The following RECQL variants were observed in gnomAD, a reference collection of about 807,000 sequenced individuals.
The protein encoded by RECQL is RecQ like helicase.
Under a neutral mutation model 75.8 loss-of-function variants are expected in RECQL, and 73 were observed. The ratio of observed to expected loss-of-function variants is 0.96; its 90% confidence interval spans 0.80 to 1.17. The LOEUF is 1.17. Ranked by LOEUF, RECQL falls within the 50% of genes most tolerant of loss-of-function variation. The pLI, the probability that RECQL is intolerant of heterozygous loss-of-function variation, is 0.00. For missense variants in RECQL, 699 were observed against 772.1 expected, an observed-to-expected ratio of 0.91 and a Z score of 1.12; for synonymous variants, 248 against 254.4, an observed-to-expected ratio of 0.97 and a Z score of 0.24.
In RECQL at chr12:21,475,479, C is replaced by G. The variant is rs1308305729; in HGVS notation, c.1205G>C (p.Ser402Thr). 3.1e-6 allele frequency: 5 copies of G among 1,608,030 alleles called. No homozygotes were observed. Among genetic ancestry groups the G allele is most frequent in the Non-Finnish European group, 4.3e-6 (5 of 1,175,680 alleles). Residue 402 changes from serine (S) to threonine (T), a missense_variant, in exon 10 of 15, where the codon AGT becomes ACT. Ser to Thr is a moderately conservative substitution (Grantham distance 58, BLOSUM62 1). Around this residue, in one of 2 missense-constraint regions of RECQL, gnomAD observed 669 missense variants for 713.5 expected, o/e 0.94. Coordinates refer to ENST00000444129, the MANE Select transcript of RECQL (RefSeq NM_002907.4). ...TGAGTCCTACATACCTGCACGTCCA[C>G]TCTCTTGGTAATAATTTTCCATGGA... Reference protein sequence around the residue: ...SKSMENYYQESGRAGRDDMKA... With the variant: ...SKSMENYYQETGRAGRDDMKA...
chr12:21,500,058 G>A (rs772205634), intron 1 of RECQL, among the ~76,000 whole-genome samples: 9 of 152,230 alleles, frequency 5.9e-5, no homozygotes, highest in Non-Finnish European at 1.0e-4. Context: ...CTGTAAAACT[G>A]GGAGGATGGC....
chr12:21,473,523 A>C (rs761361397), intron 12 of RECQL, 28 bp downstream of exon 12: 3 of 1,559,036 alleles, frequency 1.9e-6, no homozygotes, highest in Non-Finnish European at 1.8e-6. Flanking sequence ...GTATTAGCCT[A>C]TAAAGGTTTA....
At chr12:21,472,292 T>C (rs1042161118) in intron 12 of RECQL, among the ~76,000 whole-genome samples, 11 of 151,730 alleles carry the variant, frequency 7.2e-5, no homozygotes, top group African/African-American at 2.7e-4. Flanking sequence ...AATCCGAAAA[T>C]TGGGACTCAG....
intron 6 of RECQL, 76 bp from the exon 7 acceptor site, chr12:21,478,045 G>T: frequency 7.2e-7 from 1 of 1,379,854 alleles, no homozygotes; most frequent in Non-Finnish European, 9.8e-7. Flanking sequence ...ACATTATGCA[G>T]ATAATCGATG....
At chr12:21,488,754 G>C (rs1403737082) in intron 4 of RECQL, among the ~76,000 whole-genome samples, 1 of 152,090 alleles carries the variant, frequency 6.6e-6, no homozygotes, top group Admixed American at 6.6e-5. Context: ...GATGTATCTG[G>C]AATTCATCTA....
rs752303863 is a variant in RECQL at position 21,469,586 on chromosome 12, G to GTA, written c.*606_*607dup. 4.6e-5 allele frequency: 7 copies of GTA among 151,436 alleles called. No homozygotes were observed. The highest frequency in any genetic ancestry group is 1.0e-4 in the Non-Finnish European group (7 of 67,906). 9.4% of individuals were successfully genotyped at this position (151,436 alleles called of 1,614,324 possible). A position where few individuals can be genotyped will look rare whatever the true frequency, so the allele number is the denominator to read the frequency against. On this transcript the variant is annotated 3_prime_UTR_variant, in exon 15 of 15. Coordinates refer to ENST00000444129, the MANE Select transcript of RECQL (RefSeq NM_002907.4). ...ATGTCAAAAGAAAAAATATAGCTAA[G>GTA]TATATAAAGGCATAAAAAACTTAAG... is the stretch of plus-strand genomic sequence containing the variant.
In RECQL at chr12:21,475,487, G is replaced by A. The variant is rs745337984; in HGVS notation, c.1197C>T (p.Tyr399=). 2.5e-6 allele frequency: 4 copies of A among 1,609,898 alleles called. No homozygotes were observed. Among genetic ancestry groups the A allele is most frequent in the South Asian group, 2.2e-5 (2 of 90,632 alleles). ...ACATACCTGCACGTCCACTCTCTTGGTAATAATTTTCCATGGATTTACTCA... is the reference window on the plus strand; with the variant it reads ...ACATACCTGCACGTCCACTCTCTTGATAATAATTTTCCATGGATTTACTCA... ...HSMSKSMENY[Y]QESGRAGRDD... Residue 399 remains tyrosine (Y), a synonymous_variant, in exon 10 of 15, where the codon TAC becomes TAT. Transcript: ENST00000444129.
In RECQL at chr12:21,490,239, T is replaced by C; in HGVS notation, c.354A>G (p.Gly118=). Residue 118 remains glycine (G), a synonymous_variant, in exon 4 of 15, where the codon GGA becomes GGG. Transcript: ENST00000444129. The part of the protein sequence containing the change: ...EVFLVMPTGG[G]KSLCYQLPAL... ...CTGGTAACTGGTAACATAAGCTCTT[T>C]CCACCTCCTGTAGGCATAACAAGAA... 6.2e-7 allele frequency: 1 copy of C among 1,613,108 alleles called. No individual in the cohort carries two copies. The highest frequency in any genetic ancestry group is 1.3e-5 in the African/African-American group (1 of 75,022).
intron 4 of RECQL, among the ~76,000 whole-genome samples, chr12:21,489,678 G>T (rs564648613): frequency 9.9e-5 from 15 of 152,218 alleles, no homozygotes; most frequent in Admixed American, 2.6e-4. Flanking sequence ...ACATTTTTGG[G>T]TTTTTTTGCC....
intron 2 of RECQL, among the ~76,000 whole-genome samples, chr12:21,496,975 G>C (rs979822045): frequency 1.3e-5 from 2 of 152,222 alleles, no homozygotes; most frequent in African/African-American, 4.8e-5. Context: ...TTGGCCTATA[G>C]ATGAGTCACA....
At chr12:21,490,495 T>C in intron 3 of RECQL, 117 bp from the exon 4 acceptor site, 1 of 631,188 alleles carries the variant, frequency 1.6e-6, no homozygotes, top group Non-Finnish European at 2.6e-6. Flanking sequence ...ACTTTTATGA[T>C]AATAGTTTTG....
intron 6 of RECQL, among the ~76,000 whole-genome samples, chr12:21,482,212 C>T (rs1298240718): frequency 1.3e-5 from 2 of 149,930 alleles, no homozygotes; most frequent in Admixed American, 6.7e-5. Context: ...AAGGATGAAA[C>T]GGGAGTGGTC....
At chr12:21,480,594 C>T (rs1180202145) in intron 6 of RECQL, among the ~76,000 whole-genome samples, 9 of 152,134 alleles carry the variant, frequency 5.9e-5, no homozygotes, top group African/African-American at 1.7e-4. Context: ...CTGCACACTA[C>T]GCATCAGCTT....
chr12:21,481,727 G>A (rs1943195380), intron 6 of RECQL, among the ~76,000 whole-genome samples: 1 of 152,180 alleles, frequency 6.6e-6, no homozygotes. Flanking sequence ...GTAAGAAAGG[G>A]TAAAGACTGA....
At chr12:21,499,531 G>C in intron 2 of RECQL, 24 bp downstream of exon 2, 1 of 1,560,574 alleles carries the variant, frequency 6.4e-7, no homozygotes, top group Non-Finnish European at 8.7e-7. Context: ...GAAGGAAGAA[G>C]AAAATGTAAT....
chr12:21,470,242 A>G lies in RECQL; in HGVS notation c.1902T>C (p.Ser634=), dbSNP rs1474125484. 6.2e-7 allele frequency: 1 copy of G among 1,609,358 alleles called. No homozygotes were observed. The highest frequency in any genetic ancestry group is 8.5e-7 in the Non-Finnish European group (1 of 1,178,222). ...QKKAANMLQQ[S]GSKNTGAKKR... The stretch of plus-strand genomic sequence containing the variant: ...TCTTAGCTCCTGTATTCTTAGAACC[A>G]GATTGCTGAAGCATGTTTGCAGCCT... The change falls in exon 15 of 15, where the codon TCT becomes TCC. Residue 634 remains serine, a synonymous_variant. Transcript: ENST00000444129.
At chr12:21,476,767 A>C (rs1943093552) in intron 8 of RECQL, 144 bp downstream of exon 8, 1 of 485,766 alleles carries the variant, frequency 2.1e-6, no homozygotes, top group Admixed American at 4.1e-5. Context: ...AAGTGAATTA[A>C]TTTTATCACG....
chr12:21,476,937 A>G lies in RECQL; in HGVS notation c.923T>C (p.Ile308Thr), dbSNP rs893033398. 7.5e-6 allele frequency: 12 copies of G among 1,609,630 alleles called. No homozygotes were observed. The African/African-American group carries it at 1.2e-4, about 16-fold the overall frequency. ...EDFIEDIVKL[I>T]NGRYKGQSGI... is the part of the protein sequence containing the mutation. ...TGATTGCCCTTTGTATCTCCCATTA[A>G]TGAGCTTTACAATATCCTCAATAAA... The change falls in exon 8 of 15, where the codon ATT becomes ACT. Residue 308 changes from isoleucine to threonine, a missense_variant. By Grantham distance (89) the Ile-to-Thr change is moderately conservative. This residue lies in a region of RECQL where 669 missense variants were observed against 713.5 expected (regional missense o/e 0.94). Coordinates refer to ENST00000444129, the MANE Select transcript of RECQL (RefSeq NM_002907.4).
chr12:21,484,569 T>C (rs1943254111), intron 5 of RECQL, among the ~76,000 whole-genome samples: 1 of 152,096 alleles, frequency 6.6e-6, no homozygotes, highest in African/African-American at 2.4e-5. Context: ...GAACCAGGGC[T>C]TCTTAGAGGT....
Sources: gnomAD v4.1 joint callset for allele counts (sites outside exome capture counted in the v4.1 genomes callset) on GRCh38, gnomAD v4.1.1 for gene constraint, gnomAD v4.1.1 regional missense constraint, MANE v1.5 for transcripts, NCBI Gene and HGNC (gene_info 2026-07-23, HGNC 2026-07-21) for gene names.